IL17RD: variants seen among roughly 807,000 people sequenced by gnomAD.
IL17RD encodes interleukin-17 receptor D.
Under a neutral mutation model 80.5 loss-of-function variants are expected in IL17RD, and 52 were observed. The ratio of observed to expected loss-of-function variants is 0.65; its 90% CI spans 0.52 to 0.81. The LOEUF (loss-of-function observed/expected upper bound fraction) is 0.81. Ranked by LOEUF, IL17RD falls within the 40% of genes least tolerant of loss-of-function variation. The pLI, the probability that IL17RD is intolerant of heterozygous loss-of-function variation, is 0.00. For missense variants in IL17RD, 1,024 were observed against 955.1 expected (o/e 1.07, Z -0.95); for synonymous variants, 416 against 391.8 (o/e 1.06, Z -0.73).
At chr3:57,140,242 C>G (rs1707804033) in intron 1 of IL17RD, among the ~76,000 whole-genome samples, 1 of 152,102 alleles carries the variant, frequency 6.6e-6, no homozygotes, top group Admixed American at 6.5e-5. Flanking sequence ...TAAAATATAC[C>G]TTTTTGCAGT....
Position 57,098,076 on chromosome 3 carries a change from A to G in IL17RD, c.1627T>C (p.Tyr543His). Reference sequence around the variant, plus strand: ...TGGTGCATGTTGCAAATGGCGACGTATAGGGACCGGCCTGACTTGCTCCGG... The same window carrying G: ...TGGTGCATGTTGCAAATGGCGACGTGTAGGGACCGGCCTGACTTGCTCCGG... ...YFRSKSGRSL[Y>H]VAICNMHQFI... Residue 543 changes from tyrosine (Y) to histidine (H), a missense_variant, in exon 12 of 13, where the codon TAC becomes CAC. Tyr to His is a moderately conservative substitution (Grantham distance 83). Transcript: ENST00000296318. 1 of 1,613,982 alleles carries G rather than the reference A, an allele frequency of 6.2e-7. No individual in the cohort carries two copies. The highest frequency in any genetic ancestry group is 8.5e-7 in the Non-Finnish European group (1 of 1,179,892).
chr3:57,129,340 T>C (rs1205721818), intron 1 of IL17RD, among the ~76,000 whole-genome samples: 1 of 152,104 alleles, frequency 6.6e-6, no homozygotes, highest in Non-Finnish European at 1.5e-5. Context: ...GAGGGCAAAA[T>C]AGTGATTAGA....
chr3:57,105,889 C>T lies in IL17RD; in HGVS notation c.715G>A (p.Glu239Lys), dbSNP rs200773591. ...CAGGTCTTTCGCTTGAAAGGTCCTTCGTGCTTGAGCTTGTAGTGAAGATAG... is the reference window on the plus strand; with the variant it reads ...CAGGTCTTTCGCTTGAAAGGTCCTTTGTGCTTGAGCTTGTAGTGAAGATAG... ...FFYLHYKLKH[E>K]GPFKRKTCKQ... Residue 239 changes from glutamate (E) to lysine (K), a missense_variant, in exon 7 of 13, where the codon GAA becomes AAA. Transcript: ENST00000296318. The T allele has an allele frequency of 8.6e-5, 139 of 1,613,738 alleles. No homozygotes were observed. The highest frequency in any genetic ancestry group is 4.8e-4 in the South Asian group (44 of 91,058).
intron 1 of IL17RD, among the ~76,000 whole-genome samples, chr3:57,155,287 CTTAG>C (rs1397881999): frequency 6.6e-6 from 1 of 152,248 alleles, no homozygotes; most frequent in African/African-American, 2.4e-5. Flanking sequence ...AACCGGGATG[CTTAG>C]TTAGTGCTTA....
At chr3:57,146,031 ACGCG>A (rs772853986) in intron 1 of IL17RD, among the ~76,000 whole-genome samples, 19 of 132,802 alleles carry the variant, frequency 1.4e-4, no homozygotes, top group East Asian at 4.7e-4. Flanking sequence ...ACACACACTC[ACGCG>A]CGCGCGCGCG....
At chr3:57,121,351 A>G (rs1249551569) in intron 1 of IL17RD, among the ~76,000 whole-genome samples, 3 of 152,306 alleles carry the variant, frequency 2.0e-5, no homozygotes, top group South Asian at 2.1e-4. Context: ...CATGACATCC[A>G]TATGCCACAG....
chr3:57,091,090 G>A lies in IL17RD; in HGVS notation c.*5303C>T, dbSNP rs1389273921. On this transcript the variant is annotated 3_prime_UTR_variant, in exon 13 of 13. Coordinates refer to ENST00000296318, the MANE Select transcript of IL17RD (RefSeq NM_017563.5). ...AGCCCTCAAACAGCAATGGGAAGGTGGTACTTAGCAACTACTGCTGTTACC... is the reference window on the plus strand; with the variant it reads ...AGCCCTCAAACAGCAATGGGAAGGTAGTACTTAGCAACTACTGCTGTTACC... The A allele has an allele frequency of 1.3e-5, 2 of 152,558 alleles. No homozygotes were observed. The highest frequency in any genetic ancestry group is 2.4e-5 in the African/African-American group (1 of 41,414). The allele number at this position is 152,558 out of a possible 1,614,324, so 9.5% of individuals were successfully genotyped here.
At chr3:57,097,249 A>G (rs1706698885) in intron 12 of IL17RD, among the ~76,000 whole-genome samples, 1 of 152,136 alleles carries the variant, frequency 6.6e-6, no homozygotes, top group South Asian at 2.1e-4. Flanking sequence ...CAGGTCTAAA[A>G]AAGACGCATC....
intron 7 of IL17RD, 57 bp from the exon 8 acceptor site, chr3:57,104,464 A>C (rs1284932163): frequency 1.1e-5 from 12 of 1,141,826 alleles, no homozygotes; most frequent in Non-Finnish European, 1.4e-5. Context: ...GGTCTTCAGG[A>C]CACCTCTTCT....
At chr3:57,112,121 C>T (rs1338934146) in intron 3 of IL17RD, among the ~76,000 whole-genome samples, 1 of 152,198 alleles carries the variant, frequency 6.6e-6, no homozygotes, top group Admixed American at 6.5e-5. Context: ...CCCTGTGACA[C>T]ATTACAGTAC....
At chr3:57,117,824 G>A (rs1207359046) in intron 2 of IL17RD, among the ~76,000 whole-genome samples, 12 of 152,278 alleles carry the variant, frequency 7.9e-5, no homozygotes. Context: ...AAAAATTTAT[G>A]TCCAAATGAC....
At chr3:57,144,258 C>G (rs763894599) in intron 1 of IL17RD, among the ~76,000 whole-genome samples, 9 of 128,196 alleles carry the variant, frequency 7.0e-5, no homozygotes, top group Admixed American at 1.4e-4. Context: ...ACTCTAGGGC[C>G]TGTTATCACA....
chr3:57,119,037 C>A (rs1265626735), intron 2 of IL17RD, among the ~76,000 whole-genome samples: 1 of 151,668 alleles, frequency 6.6e-6, no homozygotes, highest in Non-Finnish European at 1.5e-5. Context: ...AAAACCCAGT[C>A]TCTACTAAAA....
At chr3:57,139,023 T>G in intron 1 of IL17RD, among the ~76,000 whole-genome samples, 1 of 145,874 alleles carries the variant, frequency 6.9e-6, no homozygotes, top group East Asian at 2.0e-4. Flanking sequence ...ACAGTGAAAG[T>G]GAGGTGCCTA....
At chr3:57,160,967 T>C (rs1428242574) in intron 1 of IL17RD, among the ~76,000 whole-genome samples, 2 of 152,280 alleles carry the variant, frequency 1.3e-5, no homozygotes, top group Middle Eastern at 3.4e-3. Context: ...GTCACGGAGC[T>C]ATATGCCCAA....
At chr3:57,169,451 T>C (rs538072584), upstream of IL17RD, 6 of 231,076 alleles carry the variant, frequency 2.6e-5, no homozygotes, top group South Asian at 2.5e-4. Context: ...AATGTAAATA[T>C]ATTTTCCCAC....
chr3:57,165,322 C>T lies in IL17RD; in HGVS notation c.-36G>A, dbSNP rs111756850. On this transcript the variant is annotated 5_prime_UTR_variant, in exon 1 of 13. Coordinates refer to ENST00000296318, the MANE Select transcript of IL17RD (RefSeq NM_017563.5). Reference sequence around the variant, plus strand: ...TCGCCCAGCCAGGCCGTTCTCTGCGCCCCGGCCGCCCGCCGCTGGCCAGCC... The same window carrying T: ...TCGCCCAGCCAGGCCGTTCTCTGCGTCCCGGCCGCCCGCCGCTGGCCAGCC... 2.1e-5 allele frequency: 28 copies of T among 1,319,762 alleles called. No homozygotes were observed. Among genetic ancestry groups the T allele is most frequent in the Non-Finnish European group, 2.7e-5 (28 of 1,030,722 alleles). 81.8% of individuals were successfully genotyped at this position (1,319,762 alleles called of 1,614,324 possible).
chr3:57,105,757 C>A (rs1706946826), intron 7 of IL17RD, 100 bp downstream of exon 7: 1 of 943,444 alleles, frequency 1.1e-6, no homozygotes, highest in Admixed American at 2.7e-5. Context: ...CCACTGAGAG[C>A]CAACAAAGCC....
rs746187116 is a variant in IL17RD, at chr3:57,106,202, C to T, written c.551-48G>A. ...TGTTTTTAGTTTTAGGACAGTTAGA[C>T]ATTTTCCTCTCCCAACAACCCAATG... On this transcript the variant is annotated intron_variant, in intron 5 of 12. Transcript: ENST00000296318. The T allele has an allele frequency of 2.9e-6, 4 of 1,402,848 alleles. No individual in the cohort carries two copies. The East Asian group carries it at 7.0e-5, about 25-fold the overall frequency. 86.9% of individuals were successfully genotyped at this position (1,402,848 alleles called of 1,614,324 possible).
Sources: gnomAD v4.1 joint callset for allele counts (sites outside exome capture counted in the v4.1 genomes callset) on GRCh38, gnomAD v4.1.1 for gene constraint, MANE v1.5 for transcripts, NCBI Gene and HGNC (gene_info 2026-07-23, HGNC 2026-07-21) for gene names.